The following CRADD variants were observed in gnomAD, a reference collection of about 807,000 sequenced individuals.
The protein encoded by CRADD is death domain-containing protein CRADD.
In CRADD, 9 loss-of-function variants were observed where a neutral mutation model predicts 15.5. The observed-to-expected ratio is 0.58, with a 90% confidence interval of 0.35 to 1.01. CRADD has a LOEUF of 1.01. Ranked by LOEUF, CRADD falls within the 50% of genes least tolerant of loss-of-function variation. CRADD has a pLI of 0.02. For missense variants in CRADD, 227 were observed against 250.3 expected, an observed-to-expected ratio of 0.91 and a Z score of 0.63; for synonymous variants, 118 against 107.6, an observed-to-expected ratio of 1.10 and a Z score of -0.60.
chr12:93,833,370 C>G (rs1957932050), intron 2 of CRADD, among the ~76,000 whole-genome samples: 1 of 151,950 alleles, frequency 6.6e-6, no homozygotes. Flanking sequence ...GTAGGGTCTC[C>G]CTGTGTCACT....
intron 2 of CRADD, among the ~76,000 whole-genome samples, chr12:93,767,323 C>G (rs1957036742): frequency 6.6e-6 from 1 of 152,236 alleles, no homozygotes; most frequent in African/African-American, 2.4e-5. Flanking sequence ...TGGATAAACG[C>G]CTTCCCTGGT....
intron 2 of CRADD, among the ~76,000 whole-genome samples, chr12:93,785,339 T>TC (rs1264299496): frequency 2.6e-5 from 4 of 152,150 alleles, no homozygotes. Flanking sequence ...CTGACGAACA[T>TC]CCGAAATGAA....
chr12:93,753,911 C>A (rs1011249581), intron 2 of CRADD, among the ~76,000 whole-genome samples: 1 of 152,238 alleles, frequency 6.6e-6, no homozygotes, highest in Middle Eastern at 3.2e-3. Context: ...CTTCTCACAG[C>A]TCTACTAGGA....
At chr12:93,767,035 G>A (rs1193401867) in intron 2 of CRADD, among the ~76,000 whole-genome samples, 3 of 152,164 alleles carry the variant, frequency 2.0e-5, no homozygotes. Context: ...CCTCTCACAT[G>A]TACCCAACCA....
chr12:93,716,459 G>A (rs1031662439), intron 2 of CRADD, among the ~76,000 whole-genome samples: 14 of 152,086 alleles, frequency 9.2e-5, no homozygotes, highest in African/African-American at 3.1e-4. Flanking sequence ...AATATATAAC[G>A]ACATGTATCC....
intron 2 of CRADD, among the ~76,000 whole-genome samples, chr12:93,705,930 G>A (rs569687536): frequency 1.2e-4 from 18 of 152,254 alleles, no homozygotes; most frequent in African/African-American, 3.8e-4. Flanking sequence ...TGTATTATTC[G>A]GAGTTAATGA....
chr12:93,803,411 T>C (rs1472838162), intron 2 of CRADD, among the ~76,000 whole-genome samples: 1 of 152,126 alleles, frequency 6.6e-6, no homozygotes, highest in African/African-American at 2.4e-5. Context: ...AGAGGCCCAC[T>C]CCTCTATCGT....
chr12:93,888,342 A>G (rs140318440), intron 2 of CRADD, among the ~76,000 whole-genome samples: 4 of 151,148 alleles, frequency 2.6e-5, no homozygotes, highest in Admixed American at 1.3e-4. Flanking sequence ...GGAGAATGGC[A>G]TGAACCCGGG....
At chr12:93,799,575 C>T (rs1189322938) in intron 2 of CRADD, among the ~76,000 whole-genome samples, 10 of 152,110 alleles carry the variant, frequency 6.6e-5, no homozygotes, top group Non-Finnish European at 5.9e-5. Flanking sequence ...TGGAAATGTT[C>T]CATTGAAAGA....
intron 2 of CRADD, chr12:93,846,357 C>G (rs904785510): frequency 6.6e-6 from 1 of 152,162 alleles, no homozygotes; most frequent in Non-Finnish European, 1.5e-5. Flanking sequence ...AACTGCCATA[C>G]TGTTTTCCAC....
At chr12:93,885,119 T>A (rs1269126259) in intron 2 of CRADD, among the ~76,000 whole-genome samples, 9 of 152,114 alleles carry the variant, frequency 5.9e-5, no homozygotes, top group Admixed American at 5.9e-4. Flanking sequence ...ATAAGGAAAC[T>A]GAGATGTGGA....
chr12:93,754,027 G>T (rs1397136342), intron 2 of CRADD, among the ~76,000 whole-genome samples: 2 of 152,250 alleles, frequency 1.3e-5, no homozygotes, highest in African/African-American at 4.8e-5. Context: ...GCATACCTCT[G>T]CCTGGACATC....
rs759891132 is a variant in CRADD, at chr12:93,873,529, TTA to T, written c.299-20518_299-20517del. 4.6e-5 allele frequency among the ~76,000 whole-genome samples: 7 copies of T among 152,240 alleles called. No individual in the cohort carries two copies. In the East Asian group the frequency reaches 1.3e-3, roughly 29 times the overall value. On this transcript the variant is annotated intron_variant, in intron 2 of 2. Coordinates refer to the CRADD transcript ENST00000548483. Reference sequence around the variant, plus strand: ...GCTTTAAGTTTTTCCACATTCAGTATTATACTATCTGTGGGTGTTTCATATCT... The same window carrying T: ...GCTTTAAGTTTTTCCACATTCAGTATTACTATCTGTGGGTGTTTCATATCT...
chr12:93,778,564 T>C (rs1210302477), intron 2 of CRADD, among the ~76,000 whole-genome samples: 1 of 152,198 alleles, frequency 6.6e-6, no homozygotes, highest in Admixed American at 6.5e-5. Flanking sequence ...TTTCTTGAAA[T>C]ACAATCTTTC....
Position 93,874,773 on chromosome 12 carries a change from G to A in CRADD, c.299-19277G>A, listed in dbSNP as rs527569215. The stretch of plus-strand genomic sequence containing the variant: ...ATTTCTAGTTTTATTCCATTGTGAT[G>A]AGAGAAGATGCTTGTCATTATTTCA... On this transcript the variant is annotated intron_variant, in intron 2 of 2. Transcript: ENST00000548483. Among the ~76,000 whole-genome samples the A allele has an allele frequency of 2.0e-4, 31 of 152,116 alleles. No homozygotes were observed. In the East Asian group the frequency reaches 5.8e-3, roughly 28 times the overall value.
At chr12:93,737,483 A>G (rs61928997) in intron 2 of CRADD, among the ~76,000 whole-genome samples, 19,243 of 152,218 alleles carry the variant, frequency 0.13, 1,794 homozygotes, top group African/African-American at 0.26. Flanking sequence ...CTGCATCTGG[A>G]GAACTAATCT....
chr12:93,697,344 A>G (rs937684641), intron 2 of CRADD, among the ~76,000 whole-genome samples: 1 of 152,238 alleles, frequency 6.6e-6, no homozygotes, highest in African/African-American at 2.4e-5. Context: ...GCGGGAGGAC[A>G]CAGTGTTAAC....
intron 2 of CRADD, among the ~76,000 whole-genome samples, chr12:93,823,298 C>CAAACA (rs1555226732): frequency 0.065 from 9,076 of 139,796 alleles, 360 homozygotes; most frequent in Middle Eastern, 0.2. Flanking sequence ...GTCTCAAAAA[C>CAAACA]AAAAAAAAAA....
At chr12:93,704,668 A>G (rs1319709052) in intron 2 of CRADD, among the ~76,000 whole-genome samples, 1 of 152,230 alleles carries the variant, frequency 6.6e-6, no homozygotes, top group Non-Finnish European at 1.5e-5. Context: ...TCCTCTGCTT[A>G]AAACCTCCTC....
Sources: gnomAD v4.1 joint callset for allele counts (sites outside exome capture counted in the v4.1 genomes callset) on GRCh38, gnomAD v4.1.1 for gene constraint, MANE v1.5 for transcripts, NCBI Gene and HGNC (gene_info 2026-07-23, HGNC 2026-07-21) for gene names.